FHIT: variants seen among roughly 807,000 people sequenced by gnomAD.
FHIT encodes the protein fragile histidine triad diadenosine triphosphatase.
FHIT carries 19 observed loss-of-function variants against 17.9 expected under a neutral mutation model. The ratio of observed to expected loss-of-function variants is 1.06; its 90% CI spans 0.74 to 1.56. FHIT has a LOEUF of 1.56. FHIT is among the 40% of genes most tolerant of loss of function. FHIT has a pLI of 0.00. For missense variants in FHIT, 248 were observed against 189.2 expected (o/e 1.31, Z -1.82); for synonymous variants, 81 against 69.7 (o/e 1.16, Z -0.81).
In FHIT at chr3:60,666,982, G is replaced by A. The variant is rs1267724388; in HGVS notation, c.-17-130003C>T. 2.8e-5 allele frequency among the ~76,000 whole-genome samples: 4 copies of A among 142,574 alleles called. No individual in the cohort carries two copies. In the Admixed American group the frequency reaches 2.8e-4, roughly 10 times the overall value. The allele number at this position is 142,574 out of a possible 152,430, so 93.5% of individuals were successfully genotyped here. A position where few individuals can be genotyped will look rare whatever the true frequency, so the allele number is the denominator to read the frequency against. ...CAATCCTCTCACCTCAGCCTCCTGA[G>A]TAGCTGGGACTACAGGTGTGCACCA... On this transcript the variant is annotated intron_variant, in intron 4 of 9. Transcript: ENST00000492590.
At chr3:60,092,975 G>C (rs1479401984) in intron 5 of FHIT, among the ~76,000 whole-genome samples, 1 of 152,114 alleles carries the variant, frequency 6.6e-6, no homozygotes, top group South Asian at 2.1e-4. Context: ...ATTCCAAATG[G>C]AAGAAAAATT....
At chr3:60,189,348 T>C (rs1221656680) in intron 5 of FHIT, among the ~76,000 whole-genome samples, 2 of 152,208 alleles carry the variant, frequency 1.3e-5, no homozygotes, top group Admixed American at 6.5e-5. Flanking sequence ...AGTGAATAAA[T>C]TGCATGTGGC....
chr3:60,192,233 A>C (rs1702432028), intron 5 of FHIT, among the ~76,000 whole-genome samples: 1 of 144,870 alleles, frequency 6.9e-6, no homozygotes, highest in African/African-American at 2.6e-5. Flanking sequence ...CCTGGGCAAC[A>C]GAGCAACACT....
At chr3:60,662,790 A>G (rs527616794) in intron 4 of FHIT, among the ~76,000 whole-genome samples, 3 of 152,106 alleles carry the variant, frequency 2.0e-5, no homozygotes, top group East Asian at 3.9e-4. Flanking sequence ...ATTTCTAACT[A>G]TTTTATATAA....
chr3:61,043,160 CTCA>C (rs2033608208), intron 2 of FHIT, among the ~76,000 whole-genome samples: 1 of 152,124 alleles, frequency 6.6e-6, no homozygotes, highest in South Asian at 2.1e-4. Flanking sequence ...CAGGCATTGC[CTCA>C]CCCAGGCAGT....
At chr3:59,844,905 A>G (rs1701663385) in intron 8 of FHIT, among the ~76,000 whole-genome samples, 1 of 152,140 alleles carries the variant, frequency 6.6e-6, no homozygotes, top group African/African-American at 2.4e-5. Context: ...GGTACTATTC[A>G]CCAGCAAAGT....
intron 5 of FHIT, among the ~76,000 whole-genome samples, chr3:60,140,382 A>G (rs895885854): frequency 6.6e-6 from 1 of 152,064 alleles, no homozygotes; most frequent in Non-Finnish European, 1.5e-5. Flanking sequence ...GGCTGGATCA[A>G]TGAAAGTTCT....
chr3:59,781,435 T>G (rs1352555222), intron 8 of FHIT, among the ~76,000 whole-genome samples: 5 of 152,254 alleles, frequency 3.3e-5, no homozygotes, highest in African/African-American at 1.2e-4. Context: ...TTCAATTTTT[T>G]ATTTCACCTT....
intron 5 of FHIT, among the ~76,000 whole-genome samples, chr3:60,124,983 A>C (rs1237951770): frequency 6.6e-6 from 1 of 152,218 alleles, no homozygotes; most frequent in African/African-American, 2.4e-5. Flanking sequence ...TATTTTAGTA[A>C]GTTCCCAAAT....
intron 3 of FHIT, among the ~76,000 whole-genome samples, chr3:60,841,430 T>G (rs2106864403): frequency 6.6e-6 from 1 of 152,336 alleles, no homozygotes; most frequent in East Asian, 1.9e-4. Flanking sequence ...GGAAAGAGAA[T>G]AAATAATCAA....
At chr3:60,176,373 A>G (rs1701670608) in intron 5 of FHIT, among the ~76,000 whole-genome samples, 1 of 152,154 alleles carries the variant, frequency 6.6e-6, no homozygotes, top group Non-Finnish European at 1.5e-5. Context: ...AACAACAACA[A>G]AAGCCACATA....
chr3:59,801,004 T>C (rs2106977240), intron 8 of FHIT, among the ~76,000 whole-genome samples: 1 of 152,324 alleles, frequency 6.6e-6, no homozygotes, highest in Non-Finnish European at 1.5e-5. Context: ...TACATTTCTT[T>C]GCAATTGGGT....
chr3:60,452,096 A>G (rs1175499024), intron 5 of FHIT, among the ~76,000 whole-genome samples: 1 of 152,214 alleles, frequency 6.6e-6, no homozygotes, highest in Non-Finnish European at 1.5e-5. Context: ...GATTTCTCAT[A>G]TAAATAAATG....
chr3:60,237,874 G>A (rs1704889006), intron 5 of FHIT, among the ~76,000 whole-genome samples: 1 of 152,084 alleles, frequency 6.6e-6, no homozygotes, highest in African/African-American at 2.4e-5. Context: ...GGTGGCTTAT[G>A]CCTATAATCC....
At chr3:61,056,333 G>A (rs1318074727) in intron 2 of FHIT, among the ~76,000 whole-genome samples, 1 of 152,228 alleles carries the variant, frequency 6.6e-6, no homozygotes, top group African/African-American at 2.4e-5. Context: ...AAGCGAGGTT[G>A]AAGAGCAAGA....
At chr3:59,976,595 C>T (rs1271957974) in intron 7 of FHIT, among the ~76,000 whole-genome samples, 1 of 151,948 alleles carries the variant, frequency 6.6e-6, no homozygotes, top group African/African-American at 2.4e-5. Flanking sequence ...TTTAACATCT[C>T]CAGGCACACG....
At chr3:60,449,867 G>C (rs979074687) in intron 5 of FHIT, among the ~76,000 whole-genome samples, 3 of 151,920 alleles carry the variant, frequency 2.0e-5, no homozygotes, top group Admixed American at 2.0e-4. Context: ...GCTAGGTCTG[G>C]TGGCACACGC....
At chr3:61,002,608 C>G (rs1013884515) in intron 3 of FHIT, among the ~76,000 whole-genome samples, 1 of 152,182 alleles carries the variant, frequency 6.6e-6, no homozygotes, top group Non-Finnish European at 1.5e-5. Context: ...TCTCCCCATT[C>G]CCTCTCCCTA....
chr3:60,351,221 C>T (rs921142617), intron 5 of FHIT, among the ~76,000 whole-genome samples: 7 of 152,198 alleles, frequency 4.6e-5, no homozygotes, highest in African/African-American at 1.2e-4. Context: ...GGGCCTACCC[C>T]TTAATGTTAA....
Sources: allele counts gnomAD v4.1 joint callset (sites outside exome capture counted in the v4.1 genomes callset), GRCh38; gene constraint gnomAD v4.1.1; transcripts MANE v1.5; gene names NCBI Gene and HGNC (gene_info 2026-07-23, HGNC 2026-07-21).